The following PDE7A variants were observed in gnomAD, a reference collection of about 807,000 sequenced individuals.
The protein encoded by PDE7A is high affinity 3',5'-cyclic-AMP phosphodiesterase 7A.
PDE7A carries 39 observed loss-of-function variants against 64.3 expected under a neutral mutation model. The observed-to-expected ratio is 0.61, with a 90% confidence interval of 0.47 to 0.79. PDE7A has a LOEUF of 0.79. Among genes scored for constraint, PDE7A ranks in the 30% least tolerant of loss-of-function variants. The pLI is 0.00. For synonymous variants in PDE7A, 203 were observed against 206.8 expected, an observed-to-expected ratio of 0.98 and a Z score of 0.16; for missense variants, 470 against 582.8, an observed-to-expected ratio of 0.81 and a Z score of 1.99.
chr8:65,804,384 C>T (rs548553014), intron 1 of PDE7A, among the ~76,000 whole-genome samples: 2 of 151,930 alleles, frequency 1.3e-5, no homozygotes, highest in African/African-American at 4.8e-5. Flanking sequence ...CCAAGAAAGT[C>T]GTGTCAACTT....
intron 1 of PDE7A, among the ~76,000 whole-genome samples, chr8:65,798,430 G>A (rs1809911809): frequency 1.3e-5 from 2 of 151,646 alleles, no homozygotes; most frequent in South Asian, 2.1e-4. Context: ...GGCTGGTCTC[G>A]AACTCCTGAG....
intron 3 of PDE7A, among the ~76,000 whole-genome samples, chr8:65,761,299 C>T (rs1181267717): frequency 1.3e-5 from 2 of 152,042 alleles, no homozygotes; most frequent in Non-Finnish European, 2.9e-5. Context: ...CTCCTGACCT[C>T]GTGATCCACC....
intron 1 of PDE7A, among the ~76,000 whole-genome samples, chr8:65,819,914 G>A (rs186300088): frequency 1.2e-3 from 183 of 152,242 alleles, no homozygotes; most frequent in Non-Finnish European, 2.0e-3. Context: ...CCTCCTCAAT[G>A]GCAAACTGTC....
intron 5 of PDE7A, 98 bp from the exon 6 acceptor site, chr8:65,739,695 G>A: frequency 8.3e-7 from 1 of 1,199,292 alleles, no homozygotes; most frequent in Non-Finnish European, 1.1e-6. Flanking sequence ...AACATGGAAA[G>A]AGTAATAATT....
In PDE7A at chr8:65,739,561, C is replaced by G; in HGVS notation, c.536G>C (p.Ser179Thr). The G allele has an allele frequency of 1.3e-6, 2 of 1,558,596 alleles. No homozygotes were observed. Among genetic ancestry groups the G allele is most frequent in the Non-Finnish European group, 1.7e-6 (2 of 1,157,964 alleles). Residue 179 changes from serine (S) to threonine (T), a missense_variant, in exon 6 of 13, where the codon AGT becomes ACT. Transcript: ENST00000401827. ...GAAGTACTCAATTAATCCATGAAGA[C>G]TAAATAAATGAAAGGTTAAGCTTAC... ...SLVSLTFHLF[S>T]LHGLIEYFHL...
chr8:65,818,562 C>G (rs575711603), intron 1 of PDE7A, among the ~76,000 whole-genome samples: 1 of 152,300 alleles, frequency 6.6e-6, no homozygotes, highest in Non-Finnish European at 1.5e-5. Flanking sequence ...AGCAAGGCTT[C>G]CATCTTTGTT....
At chr8:65,838,238 T>C (rs1440400682) in intron 1 of PDE7A, among the ~76,000 whole-genome samples, 1 of 152,232 alleles carries the variant, frequency 6.6e-6, no homozygotes, top group Non-Finnish European at 1.5e-5. Context: ...CTATGCAAAG[T>C]ACCACAGATA....
chr8:65,751,231 C>A (rs1448276500), intron 3 of PDE7A, among the ~76,000 whole-genome samples: 1 of 152,174 alleles, frequency 6.6e-6, no homozygotes, highest in African/African-American at 2.4e-5. Context: ...CTAAAACTAC[C>A]TCAAAGTTTT....
At chr8:65,837,001 C>A (rs1563526179) in intron 1 of PDE7A, among the ~76,000 whole-genome samples, 1 of 152,216 alleles carries the variant, frequency 6.6e-6, no homozygotes, top group Admixed American at 6.5e-5. Flanking sequence ...TAAGGCTAAT[C>A]CTGATTTAAA....
At chr8:65,798,410 A>G (rs1004756973) in intron 1 of PDE7A, among the ~76,000 whole-genome samples, 1 of 151,686 alleles carries the variant, frequency 6.6e-6, no homozygotes, top group Non-Finnish European at 1.5e-5. Flanking sequence ...GGGTTTCACC[A>G]TGTTGGCCAG....
intron 3 of PDE7A, among the ~76,000 whole-genome samples, chr8:65,768,491 G>T (rs1345931562): frequency 6.6e-6 from 1 of 152,172 alleles, no homozygotes; most frequent in East Asian, 1.9e-4. Context: ...CATGTGAGAT[G>T]TGCCTTTCAC....
At chr8:65,809,703 A>G (rs1215777468) in intron 1 of PDE7A, among the ~76,000 whole-genome samples, 1 of 152,250 alleles carries the variant, frequency 6.6e-6, no homozygotes, top group Non-Finnish European at 1.5e-5. Flanking sequence ...ATGAACAGAC[A>G]CTTTTCAAAA....
At chr8:65,768,441 G>A (rs1050169281) in intron 3 of PDE7A, among the ~76,000 whole-genome samples, 1 of 152,104 alleles carries the variant, frequency 6.6e-6, no homozygotes, top group African/African-American at 2.4e-5. Context: ...TTTTAAAAAG[G>A]GGAGTTTCCC....
intron 1 of PDE7A, among the ~76,000 whole-genome samples, chr8:65,803,095 G>A (rs938730437): frequency 2.0e-4 from 30 of 152,336 alleles, no homozygotes; most frequent in African/African-American, 6.7e-4. Flanking sequence ...GCTGAACCGT[G>A]AGCCAAGTAC....
chr8:65,774,317 A>ACAT (rs1809195509), intron 3 of PDE7A, among the ~76,000 whole-genome samples: 1 of 111,774 alleles, frequency 8.9e-6, no homozygotes, highest in African/African-American at 6.4e-5. Flanking sequence ...TATAGTGAGA[A>ACAT]TATTATAAAA....
At chr8:65,742,958 T>C (rs2128903775) in intron 5 of PDE7A, among the ~76,000 whole-genome samples, 1 of 152,366 alleles carries the variant, frequency 6.6e-6, no homozygotes, top group South Asian at 2.1e-4. Flanking sequence ...TGTGGACTGC[T>C]GGCTATTTCT....
rs1396423817 is a variant in PDE7A at position 65,718,001 on chromosome 8, C to A, written c.*1289G>T. On this transcript the variant is annotated 3_prime_UTR_variant, in exon 13 of 13. Transcript: ENST00000401827. The stretch of plus-strand genomic sequence containing the variant: ...CCTTATAGTTTGTCCTAGAAAACAT[C>A]TGTTCACATCAAAAGGCCCGTCAAA... 1 of 152,186 alleles carries A rather than the reference C, an allele frequency of 6.6e-6. No homozygotes were observed. Among genetic ancestry groups the A allele is most frequent in the African/African-American group, 2.4e-5 (1 of 41,456 alleles). 9.4% of individuals were successfully genotyped at this position (152,186 alleles called of 1,614,324 possible). A position where few individuals can be genotyped will look rare whatever the true frequency, so the allele number is the denominator to read the frequency against.
rs1276056721 is a variant in PDE7A at position 65,714,616 on chromosome 8, C to G, written c.*4674G>C. The G allele has an allele frequency of 6.6e-6, 1 of 152,120 alleles. No individual in the cohort carries two copies. The allele number at this position is 152,120 out of a possible 1,614,324, so 9.4% of individuals were successfully genotyped here. A position where few individuals can be genotyped will look rare whatever the true frequency, so the allele number is the denominator to read the frequency against. ...ATTAATATGCACATTTCTTTGAAAG[C>G]AATACTGAATTCCTATTAGCTATTG... is the stretch of plus-strand genomic sequence containing the variant. On this transcript the variant is annotated 3_prime_UTR_variant, in exon 13 of 13. Coordinates refer to ENST00000401827, the MANE Select transcript of PDE7A (RefSeq NM_001242318.3).
chr8:65,771,590 G>A (rs552747713), intron 3 of PDE7A, among the ~76,000 whole-genome samples: 28 of 152,146 alleles, frequency 1.8e-4, no homozygotes, highest in Admixed American at 1.6e-3. Flanking sequence ...CTGGGCGCAC[G>A]CAGTGGCTCA....
Sources: allele counts gnomAD v4.1 joint callset (sites outside exome capture counted in the v4.1 genomes callset), GRCh38; gene constraint gnomAD v4.1.1; transcripts MANE v1.5; gene names NCBI Gene and HGNC (gene_info 2026-07-23, HGNC 2026-07-21).